Variants in TEX15 observed in about 807,000 individuals in gnomAD.
TEX15 encodes testis-expressed protein 15.
In TEX15, 171 loss-of-function variants were observed where a neutral mutation model predicts 237.3. That is an observed-to-expected ratio of 0.72 (90% CI 0.64 to 0.82). TEX15 has a LOEUF of 0.82. Ranked by LOEUF, TEX15 falls within the 40% of genes least tolerant of loss-of-function variation. TEX15 has a pLI of 0.00. For synonymous variants in TEX15, 1,338 were observed against 1,269.8 expected, an observed-to-expected ratio of 1.05 and a Z score of -1.14; for missense variants, 3,750 against 3,646.5, an observed-to-expected ratio of 1.03 and a Z score of -0.73.
rs201198469 is a variant in TEX15 at position 30,838,036 on chromosome 8, C to T, written c.8248G>A (p.Glu2750Lys). ...PRTTGSHPKS[E>K]NKIVPSSCDS... ...CATGAACTTGGTACTATTTTGTTTT[C>T]GCTTTTGGGATGAGATCCTGTAGTC... Residue 2750 changes from glutamate to lysine, a missense_variant, in exon 10 of 11, where the codon GAA (glutamate) becomes AAA (lysine). Physicochemically the swap from Glu to Lys is moderately conservative, Grantham distance 56 (BLOSUM62 1). Transcript: ENST00000643185. 67 of 1,612,222 alleles carry T rather than the reference C, an allele frequency of 4.2e-5. 1 individual carries two copies. The highest frequency in any genetic ancestry group is 9.9e-5 in the South Asian group (9 of 90,502).
Position 30,837,138 on chromosome 8 carries a change from T to C in TEX15, c.9146A>G (p.Tyr3049Cys). Residue 3049 changes from tyrosine (Y) to cysteine (C), a missense_variant, in exon 10 of 11, where the codon TAC (tyrosine) becomes TGC (cysteine). Coordinates refer to ENST00000643185, the MANE Select transcript of TEX15 (RefSeq NM_001350162.2). ...AATGGCATTGCCATTGCTGTTGCTG[T>C]ACTGATAAACACACCAAGCAGAGTA... ...YPYSAWCVYQ[Y>C]SNSNGNAITQ... 1 of 1,614,048 alleles carries C rather than the reference T, an allele frequency of 6.2e-7. No homozygotes were observed. Among genetic ancestry groups the C allele is most frequent in the Non-Finnish European group, 8.5e-7 (1 of 1,179,922 alleles).
At position 30,895,676 on chromosome 8, in the gene TEX15, C is replaced by CTTTTTTTTTTTTTTTTTTTTTTT. The variant is rs34002027; in HGVS notation, c.-10+3043_-10+3065dup. Among the ~76,000 whole-genome samples the CTTTTTTTTTTTTTTTTTTTTTTT allele has an allele frequency of 3.3e-5, 2 of 60,060 alleles. 1 individual carries two copies. The highest frequency in any genetic ancestry group is 1.6e-4 in the African/African-American group (2 of 12,336). 39.4% of individuals were successfully genotyped at this position (60,060 alleles called of 152,430 possible). On this transcript the variant is annotated intron_variant, in intron 2 of 10. Coordinates refer to ENST00000643185, the MANE Select transcript of TEX15 (RefSeq NM_001350162.2). ...CATGTCAACACCTTTTAAACACATG[C>CTTTTTTTTTTTTTTTTTTTTTTT]TTTTTTTTTTTTTTTTTTTTTTTTG...
rs199659098 is a variant in TEX15, at chr8:30,847,495, T to C, written c.2672A>G (p.His891Arg). The C allele has an allele frequency of 8.7e-5, 140 of 1,613,526 alleles. No individual in the cohort carries two copies. The highest frequency in any genetic ancestry group is 1.1e-4 in the Non-Finnish European group (130 of 1,179,866). ...TATATTGCTGAAATTTTCGTTTGTA[T>C]GAGAATCCTGCTTTTTGTCTCCATA... ...NIYGDKKQDS[H>R]TNENFSNIDE... Residue 891 changes from histidine (H) to arginine (R), a missense_variant, in exon 8 of 11, where the codon CAT becomes CGT. Coordinates refer to ENST00000643185, the MANE Select transcript of TEX15 (RefSeq NM_001350162.2).
intron 5 of TEX15, among the ~76,000 whole-genome samples, chr8:30,865,644 C>T (rs2128771507): frequency 6.6e-6 from 1 of 152,230 alleles, no homozygotes; most frequent in South Asian, 2.1e-4. Flanking sequence ...GATGGTTCAA[C>T]TTATACAAAT....
rs1199692291 is a variant in TEX15, at chr8:30,842,887, A to T, written c.7280T>A (p.Val2427Glu). 6.2e-7 allele frequency: 1 copy of T among 1,609,684 alleles called. No individual in the cohort carries two copies. The highest frequency in any genetic ancestry group is 1.1e-5 in the South Asian group (1 of 90,710). The change falls in exon 8 of 11, where the codon GTG (valine) becomes GAG (glutamate). Residue 2427 changes from valine to glutamate, a missense_variant. Coordinates refer to ENST00000643185, the MANE Select transcript of TEX15 (RefSeq NM_001350162.2). ...FITEENVLDVVINHSHEAIIL... is the reference protein window; with the variant it reads ...FITEENVLDVEINHSHEAIIL... ...GATAGCCTCATGGCTGTGGTTTATC[A>T]CCACGTCTAAAACATTTTCTTCTGT...
intron 6 of TEX15, among the ~76,000 whole-genome samples, chr8:30,859,608 A>G (rs1443225480): frequency 4.6e-5 from 7 of 152,208 alleles, no homozygotes; most frequent in Admixed American, 2.6e-4. Context: ...ATTATTAAGT[A>G]TGGTCACCCT....
chr8:30,895,799 G>A (rs532001640), intron 2 of TEX15, among the ~76,000 whole-genome samples: 49 of 145,378 alleles, frequency 3.4e-4, no homozygotes, highest in African/African-American at 1.2e-3. Flanking sequence ...CCCTGCCTCA[G>A]CCTCCCAAGT....
intron 4 of TEX15, 99 bp downstream of exon 4, chr8:30,874,838 T>C: frequency 1.5e-6 from 1 of 688,242 alleles, no homozygotes; most frequent in Non-Finnish European, 2.0e-6. Flanking sequence ...TTCTTAGTAA[T>C]AACTTACTAA....
chr8:30,841,941 CT>C, intron 8 of TEX15, 62 bp downstream of exon 8: 1 of 1,210,022 alleles, frequency 8.3e-7, no homozygotes, highest in Non-Finnish European at 1.1e-6. Flanking sequence ...TACTTGTTTG[CT>C]TATGAGTAGA....
rs78331800 is a variant in TEX15 at position 30,875,824 on chromosome 8, T to C, written c.137-722A>G. 7.2e-5 allele frequency among the ~76,000 whole-genome samples: 11 copies of C among 151,902 alleles called. No individual in the cohort carries two copies. In the South Asian group the frequency reaches 8.3e-4, roughly 12 times the overall value. ...CATCTGGTCAATTTTTTTTTTTTTT[T>C]CCTTAGAGACAGGCTCTCACTCAGT... On this transcript the variant is annotated intron_variant, in intron 3 of 10. Coordinates refer to ENST00000643185, the MANE Select transcript of TEX15 (RefSeq NM_001350162.2).
chr8:30,893,123 G>A (rs1808828861), intron 2 of TEX15, among the ~76,000 whole-genome samples: 1 of 151,632 alleles, frequency 6.6e-6, no homozygotes, highest in South Asian at 2.1e-4. Flanking sequence ...TTTTCTAAAT[G>A]CTTTAGATAT....
intron 7 of TEX15, among the ~76,000 whole-genome samples, chr8:30,852,318 C>T (rs751255033): frequency 5.9e-5 from 9 of 151,772 alleles, no homozygotes; most frequent in Non-Finnish European, 1.2e-4. Context: ...TGGTCTCGAT[C>T]TCCTGAAGTC....
At chr8:30,887,001 A>G (rs1208074852) in intron 3 of TEX15, 166 bp downstream of exon 3, 3 of 528,174 alleles carry the variant, frequency 5.7e-6, no homozygotes, top group Non-Finnish European at 9.4e-6. Flanking sequence ...CAGAACGTGC[A>G]TCTATTCTAT....
intron 2 of TEX15, among the ~76,000 whole-genome samples, chr8:30,891,719 C>T (rs1808799403): frequency 6.6e-6 from 1 of 151,980 alleles, no homozygotes; most frequent in East Asian, 2.0e-4. Context: ...AGTGATCTGC[C>T]CGCCTCAGCC....
chr8:30,909,437 CATT>C (rs1339487263), intron 1 of TEX15, among the ~76,000 whole-genome samples: 2 of 134,772 alleles, frequency 1.5e-5, no homozygotes, highest in South Asian at 2.7e-4. Context: ...AGCTAGCTAT[CATT>C]ATTTTCAAAG....
chr8:30,863,213 T>C (rs767380704), intron 5 of TEX15, among the ~76,000 whole-genome samples: 41 of 152,348 alleles, frequency 2.7e-4, no homozygotes, highest in Non-Finnish European at 4.1e-4. Context: ...TCTGAAACCC[T>C]AAATGCTCCA....
chr8:30,899,942 T>C (rs560888268), intron 1 of TEX15, among the ~76,000 whole-genome samples: 74 of 152,332 alleles, frequency 4.9e-4, no homozygotes, highest in East Asian at 2.7e-3. Flanking sequence ...TATCTCTATA[T>C]GGTACTAATT....
At chr8:30,893,032 CAAAA>C (rs60813874) in intron 2 of TEX15, among the ~76,000 whole-genome samples, 8 of 81,334 alleles carry the variant, frequency 9.8e-5, no homozygotes, top group Non-Finnish European at 1.1e-4. Context: ...GACTCTGCCT[CAAAA>C]AAAAAAAAAA....
chr8:30,858,780 C>T lies in TEX15; in HGVS notation c.738G>A (p.Arg246=), dbSNP rs1807971266. The T allele has an allele frequency of 3.3e-6, 5 of 1,535,494 alleles. No homozygotes were observed. In the East Asian group the frequency reaches 1.2e-4, roughly 38 times the overall value. The change falls in exon 7 of 11, where the codon AGG becomes AGA. Residue 246 remains arginine, a synonymous_variant. Transcript: ENST00000643185. The part of the protein sequence containing the change: ...SVLSKPVDKP[R]QCLPYAVVTV... ...TTACTACAGCATATGGAAGACATTG[C>T]CTAGGTTTATCTACAGGCTTTGAAA...
Sources: gnomAD v4.1 joint callset for allele counts (sites outside exome capture counted in the v4.1 genomes callset) on GRCh38, gnomAD v4.1.1 for gene constraint, MANE v1.5 for transcripts, NCBI Gene and HGNC (gene_info 2026-07-23, HGNC 2026-07-21) for gene names.